Variants in FANCB observed in about 807,000 individuals in gnomAD.
FANCB encodes FA complementation group B.
A neutral mutation model predicts 38.9 loss-of-function variants in FANCB; 5 were observed. The observed-to-expected ratio is 0.13, with a 90% confidence interval of 0.07 to 0.27. FANCB has a LOEUF of 0.27. Ranked by LOEUF, FANCB falls within the 10% of genes least tolerant of loss-of-function variation. The pLI is 1.00. For synonymous variants in FANCB, 236 were observed against 215.4 expected (o/e 1.10, Z -0.84); for missense variants, 573 against 602.7 (o/e 0.95, Z 0.52).
chrX:14,802,482 C>T, the FANCB span, among the ~76,000 whole-genome samples: 1 of 111,351 alleles, frequency 9.0e-6, no homozygotes, highest in Non-Finnish European at 1.9e-5. Flanking sequence ...GTCTAAACTT[C>T]TAATAAAGTA....
chrX:14,756,853 A>G, the FANCB span, among the ~76,000 whole-genome samples: 1 of 112,264 alleles, frequency 8.9e-6, no homozygotes, highest in African/African-American at 3.2e-5. Flanking sequence ...GACGGTCTCA[A>G]GTAGTGACAA....
chrX:14,775,032 C>T, the FANCB span, among the ~76,000 whole-genome samples: 1 of 110,008 alleles, frequency 9.1e-6, no homozygotes, highest in South Asian at 3.9e-4. Flanking sequence ...CGGGGTTTCA[C>T]TGTGTTAGCC....
At chrX:14,831,180 G>A (rs953673626), downstream of FANCB, among the ~76,000 whole-genome samples, 1 of 111,885 alleles carries the variant, frequency 8.9e-6, no homozygotes, top group African/African-American at 3.2e-5. Flanking sequence ...ATTCATTCAT[G>A]TTTTCTTGAA....
the FANCB span, among the ~76,000 whole-genome samples, chrX:14,783,507 C>T: frequency 6.3e-5 from 7 of 111,866 alleles, no homozygotes; most frequent in African/African-American, 2.0e-4. Context: ...TAATTTGTAC[C>T]CCACCAGTTA....
chrX:14,779,001 G>C, the FANCB span, among the ~76,000 whole-genome samples: 1 of 111,971 alleles, frequency 8.9e-6, no homozygotes, highest in African/African-American at 3.2e-5. Flanking sequence ...TGATGCCTGG[G>C]ATTCTACTTG....
In FANCB at chrX:14,865,544, T is replaced by G. The variant is rs746305258; in HGVS notation, c.-34A>C. The G allele has an allele frequency of 1.9e-6, 2 of 1,061,938 alleles. No homozygotes were observed. The highest frequency in any genetic ancestry group is 2.6e-6 in the Non-Finnish European group (2 of 767,684). 87.5% of individuals were successfully genotyped at this position (1,061,938 alleles called of 1,213,427 possible). Reference sequence around the variant, plus strand: ...ATCAAGTCTTTGTGCTGATCTAATTTTCAAATGCAAATTGATTCCAGTTGA... The same window carrying G: ...ATCAAGTCTTTGTGCTGATCTAATTGTCAAATGCAAATTGATTCCAGTTGA... On this transcript the variant is annotated 5_prime_UTR_variant, in exon 3 of 10. Coordinates refer to ENST00000650831, the MANE Select transcript of FANCB (RefSeq NM_001018113.3).
chrX:14,700,812 T>G, the FANCB span, among the ~76,000 whole-genome samples: 1 of 110,270 alleles, frequency 9.1e-6, no homozygotes, highest in Non-Finnish European at 1.9e-5. Context: ...TTTTATTTAG[T>G]GTTTTTTTTA....
Position 14,865,255 on chromosome X carries a change from T to C in FANCB, c.256A>G (p.Arg86Gly), listed in dbSNP as rs1041477988. 6.1e-6 allele frequency: 7 copies of C among 1,150,202 alleles called. No individual in the cohort carries two copies. The Admixed American group carries it at 1.1e-4, about 19-fold the overall frequency. The allele number at this position is 1,150,202 out of a possible 1,213,427, so 94.8% of individuals were successfully genotyped here. Reference sequence around the variant, plus strand: ...ATGTAAGGGAGGTTAATTCCAGTTCTGAAATCTGACACACAGTTGCAACAC... The same window carrying C: ...ATGTAAGGGAGGTTAATTCCAGTTCCGAAATCTGACACACAGTTGCAACAC... ...IMCCNCVSDF[R>G]TGINLPYIVI... The change falls in exon 3 of 10, where the codon AGA (arginine) becomes GGA (glycine). Residue 86 changes from arginine to glycine, a missense_variant. Transcript: ENST00000650831.
the FANCB span, among the ~76,000 whole-genome samples, chrX:14,806,012 T>A: frequency 8.9e-6 from 1 of 112,208 alleles, no homozygotes; most frequent in Non-Finnish European, 1.9e-5. Flanking sequence ...TTACAGAAAA[T>A]GCTAATCTGA....
At chrX:14,700,940 A>G in the FANCB span, among the ~76,000 whole-genome samples, 1 of 110,122 alleles carries the variant, frequency 9.1e-6, no homozygotes. Flanking sequence ...GCCACTAGCC[A>G]TACCCAGTAG....
At chrX:14,824,871 T>G in the FANCB span, among the ~76,000 whole-genome samples, 1 of 112,262 alleles carries the variant, frequency 8.9e-6, no homozygotes, top group Admixed American at 9.4e-5. Flanking sequence ...GTTCATTACC[T>G]CCTGCATTTC....
chrX:14,812,116 C>T, the FANCB span, among the ~76,000 whole-genome samples: 6 of 109,686 alleles, frequency 5.5e-5, no homozygotes, highest in East Asian at 5.7e-4. Flanking sequence ...TTGAAACCAA[C>T]GAGAACAAAG....
the FANCB span, among the ~76,000 whole-genome samples, chrX:14,690,250 CAA>C: frequency 9.0e-6 from 1 of 111,500 alleles, no homozygotes; most frequent in African/African-American, 3.3e-5. Context: ...TATTTTGCCT[CAA>C]AGTTTTGTTT....
chrX:14,728,628 T>A, the FANCB span, among the ~76,000 whole-genome samples: 1 of 111,830 alleles, frequency 8.9e-6, no homozygotes, highest in African/African-American at 3.3e-5. Context: ...TGTTCAGCCA[T>A]GTTTAGGGCT....
Position 14,850,606 on chromosome X carries a change from T to C in FANCB, c.1395A>G (p.Ser465=). ...NSVHILDEKL[S]DNFQDSEQLV... ...GCTGTTCTGAATCTTGAAAATTGTCTGATAACTTTTCATCTAAGATATGGA... is the reference window on the plus strand; with the variant it reads ...GCTGTTCTGAATCTTGAAAATTGTCCGATAACTTTTCATCTAAGATATGGA... The change falls in exon 7 of 10, where the codon TCA becomes TCG. Residue 465 remains serine, a synonymous_variant. Coordinates refer to ENST00000650831, the MANE Select transcript of FANCB (RefSeq NM_001018113.3). 1 of 1,187,309 alleles carries C rather than the reference T, an allele frequency of 8.4e-7. No homozygotes were observed. The highest frequency in any genetic ancestry group is 1.1e-6 in the Non-Finnish European group (1 of 873,485).
chrX:14,799,705 A>C, the FANCB span, among the ~76,000 whole-genome samples: 2 of 112,111 alleles, frequency 1.8e-5, no homozygotes, highest in African/African-American at 3.2e-5. Flanking sequence ...TCAAATCAGA[A>C]TACATGTATC....
At chrX:14,694,851 G>T in the FANCB span, among the ~76,000 whole-genome samples, 1 of 112,063 alleles carries the variant, frequency 8.9e-6, no homozygotes, top group East Asian at 2.8e-4. Flanking sequence ...TATGTGAAGA[G>T]ATGAGAAGAT....
the FANCB span, among the ~76,000 whole-genome samples, chrX:14,798,321 C>T: frequency 2.7e-5 from 3 of 109,903 alleles, no homozygotes; most frequent in Admixed American, 1.9e-4. Context: ...TGCCACCACA[C>T]CTGGCTAATT....
the FANCB span, among the ~76,000 whole-genome samples, chrX:14,711,711 T>G: frequency 3.6e-5 from 4 of 112,371 alleles, no homozygotes; most frequent in African/African-American, 1.3e-4. Context: ...TCATCTCTAT[T>G]TTACTACAAA....
Sources: gnomAD v4.1 joint callset for allele counts (sites outside exome capture counted in the v4.1 genomes callset) on GRCh38, gnomAD v4.1.1 for gene constraint, MANE v1.5 for transcripts, NCBI Gene and HGNC (gene_info 2026-07-23, HGNC 2026-07-21) for gene names.